The following CABIN1 variants were observed in gnomAD, a reference collection of about 807,000 sequenced individuals.
CABIN1 encodes calcineurin binding protein 1.
Under a neutral mutation model 227.7 loss-of-function variants are expected in CABIN1, and 133 were observed. That is an observed-to-expected ratio of 0.58 (90% CI 0.51 to 0.67). CABIN1 has a LOEUF of 0.67. Ranked by LOEUF, CABIN1 falls within the 30% of genes least tolerant of loss-of-function variation. The pLI, the probability that CABIN1 is intolerant of heterozygous loss-of-function variation, is 0.00. For synonymous variants in CABIN1, 1,086 were observed against 1,155.1 expected (o/e 0.94, Z 1.21); for missense variants, 2,408 against 2,852.5 (o/e 0.84, Z 3.55).
chr22:24,105,526 T>C (rs561913990), intron 26 of CABIN1, among the ~76,000 whole-genome samples: 94 of 152,196 alleles, frequency 6.2e-4, no homozygotes, highest in Non-Finnish European at 1.2e-3. Flanking sequence ...TCTTTCCTGT[T>C]GGCCTCCAAG....
At chr22:24,049,356 C>G (rs1311202503) in intron 7 of CABIN1, 136 bp downstream of exon 7, 5 of 1,086,350 alleles carry the variant, frequency 4.6e-6, no homozygotes, top group Non-Finnish European at 6.8e-6. Flanking sequence ...CTGCCGCAGC[C>G]CCTGATCTAG....
intron 29 of CABIN1, among the ~76,000 whole-genome samples, chr22:24,141,173 T>TG (rs1485848132): frequency 6.6e-6 from 1 of 152,198 alleles, no homozygotes; most frequent in Non-Finnish European, 1.5e-5. Context: ...CACACCTGGC[T>TG]GGGGCCTCCA....
At chr22:24,065,991 G>GTGGAAAGAGAGGGAGAGAGAGACCA (rs2039646667) in intron 15 of CABIN1, among the ~76,000 whole-genome samples, 1 of 152,208 alleles carries the variant, frequency 6.6e-6, no homozygotes, top group East Asian at 1.9e-4. Flanking sequence ...GAGGGAGACC[G>GTGGAAAGAGAGGGAGAGAGAGACCA]TGGAAAGAGA....
In CABIN1 at chr22:24,171,795, C is replaced by A. The variant is rs891119984; in HGVS notation, c.5840C>A (p.Ala1947Asp). ...TTTCCTGTGACAGTGGTGCCCACAG[C>A]CCCTGACCCTGTGCCAGCTGACTCT... ...NFFPVTVVPT[A>D]PDPVPADSVQ... Residue 1947 changes from alanine to aspartate, a missense_variant, in exon 34 of 37, where the codon GCC becomes GAC. Transcript: ENST00000263119. 1 of 1,614,082 alleles carries A rather than the reference C, an allele frequency of 6.2e-7. No homozygotes were observed. The highest frequency in any genetic ancestry group is 1.3e-5 in the African/African-American group (1 of 74,954).
chr22:24,120,936 A>G (rs1319323258), intron 28 of CABIN1, among the ~76,000 whole-genome samples: 5 of 152,188 alleles, frequency 3.3e-5, no homozygotes. Context: ...TGCCTCTGCA[A>G]AGACACCTTT....
chr22:24,025,402 T>C (rs958612113), intron 1 of CABIN1, among the ~76,000 whole-genome samples: 2 of 152,110 alleles, frequency 1.3e-5, no homozygotes, highest in African/African-American at 4.8e-5. Context: ...ATCGATAGCC[T>C]GAGAAGGCCA....
chr22:24,121,945 A>T (rs1000903100), intron 28 of CABIN1, among the ~76,000 whole-genome samples: 1 of 152,152 alleles, frequency 6.6e-6, no homozygotes, highest in Non-Finnish European at 1.5e-5. Flanking sequence ...AGATGTCGAG[A>T]TGGAATTTCG....
intron 16 of CABIN1, among the ~76,000 whole-genome samples, chr22:24,069,205 T>G (rs2039912081): frequency 2.0e-5 from 3 of 152,262 alleles, no homozygotes. Flanking sequence ...TTCTTAGTCC[T>G]TAATATTTTT....
rs1413417668 is a variant in CABIN1 at position 24,177,376 on chromosome 22, G to A, written c.6206-128G>A. 7 of 839,452 alleles carry A rather than the reference G, an allele frequency of 8.3e-6. No homozygotes were observed. The East Asian group carries it at 1.5e-4, about 18-fold the overall frequency. The allele number at this position is 839,452 out of a possible 1,614,324, so 52.0% of individuals were successfully genotyped here. On this transcript the variant is annotated intron_variant, in intron 35 of 36. Transcript: ENST00000263119. The surrounding 1 kb of genome is among the most constrained non-coding windows in gnomAD (Gnocchi z 4.4). ...ATTTGCCCAGGGTAGAAGCCTTGGA[G>A]CCTGCCAGCCAGCACAAACTACACA...
intron 1 of CABIN1, among the ~76,000 whole-genome samples, chr22:24,033,177 C>T (rs915760249): frequency 6.6e-6 from 1 of 152,200 alleles, no homozygotes; most frequent in Non-Finnish European, 1.5e-5. Context: ...AAACAGCTAT[C>T]AGTCTAGGAA....
chr22:24,091,276 C>T (rs2041523722), intron 23 of CABIN1, among the ~76,000 whole-genome samples: 1 of 152,176 alleles, frequency 6.6e-6, no homozygotes, highest in Non-Finnish European at 1.5e-5. Context: ...TGCTGTGGAG[C>T]AGGGTGCTAG....
chr22:24,072,645 G>T, intron 18 of CABIN1, 135 bp downstream of exon 18: 1 of 1,085,996 alleles, frequency 9.2e-7, no homozygotes, highest in Admixed American at 2.0e-5. Context: ...GATTTTGCAT[G>T]CGCTTGGACA....
intron 1 of CABIN1, among the ~76,000 whole-genome samples, chr22:24,025,646 G>A (rs1159986095): frequency 6.6e-6 from 1 of 152,160 alleles, no homozygotes; most frequent in Non-Finnish European, 1.5e-5. Flanking sequence ...TGTTTTAAGT[G>A]TTCAGTCAGG....
chr22:24,067,401 T>A (rs763492342), intron 16 of CABIN1, among the ~76,000 whole-genome samples: 1 of 152,016 alleles, frequency 6.6e-6, no homozygotes, highest in Non-Finnish European at 1.5e-5. Flanking sequence ...TCTGCGTGGC[T>A]CAGGGTGAAC....
chr22:24,174,248 C>A (rs891790397), intron 34 of CABIN1, among the ~76,000 whole-genome samples: 2 of 152,066 alleles, frequency 1.3e-5, no homozygotes, highest in Non-Finnish European at 2.9e-5. Flanking sequence ...CCTACCTCAG[C>A]CTCCCAAGTA....
chr22:24,013,053 G>T (rs1184667538), intron 1 of CABIN1, among the ~76,000 whole-genome samples: 1 of 151,584 alleles, frequency 6.6e-6, no homozygotes, highest in Non-Finnish European at 1.5e-5. Context: ...CAGACACCGC[G>T]CCCGGCCTCA....
intron 23 of CABIN1, among the ~76,000 whole-genome samples, chr22:24,089,494 C>T (rs2041396209): frequency 6.6e-6 from 1 of 152,172 alleles, no homozygotes; most frequent in Admixed American, 6.5e-5. Context: ...GATGGAAATC[C>T]ACCAGGAATG....
rs1290571687 is a variant in CABIN1, at chr22:24,114,466, G to T, written c.4300+718G>T. Among the ~76,000 whole-genome samples the T allele has an allele frequency of 2.0e-5, 3 of 152,180 alleles. No individual in the cohort carries two copies. The South Asian group carries it at 6.2e-4, about 31-fold the overall frequency. ...CAGCCCCGTACTCTTTTCTGTGCTG[G>T]GCACTGTGTTAATTCATTTGGTTCT... On this transcript the variant is annotated intron_variant, in intron 27 of 36. Coordinates refer to ENST00000263119, the MANE Select transcript of CABIN1 (RefSeq NM_012295.4).
At chr22:24,119,286 G>T in intron 27 of CABIN1, 81 bp from the exon 28 acceptor site, 3 of 1,210,424 alleles carry the variant, frequency 2.5e-6, no homozygotes, top group Non-Finnish European at 2.4e-6. Context: ...TCACCAAGGC[G>T]CCTCCGTTAC....
Sources: allele counts gnomAD v4.1 joint callset (sites outside exome capture counted in the v4.1 genomes callset), GRCh38; gene constraint gnomAD v4.1.1; non-coding constraint Gnocchi (gnomAD v3.1); transcripts MANE v1.5; gene names NCBI Gene and HGNC (gene_info 2026-07-23, HGNC 2026-07-21).